The following DLGAP2 variants were observed in gnomAD, a reference collection of about 807,000 sequenced individuals.
The protein encoded by DLGAP2 is disks large-associated protein 2.
In DLGAP2, 26 loss-of-function variants were observed where a neutral mutation model predicts 100.3. The observed-to-expected ratio is 0.26, with a 90% CI of 0.19 to 0.36. The LOEUF is 0.36. DLGAP2 is among the 10% of genes least tolerant of loss of function. The pLI is 1.00. For missense variants in DLGAP2, 1,858 were observed against 1,453.2 expected, an observed-to-expected ratio of 1.28 and a Z score of -4.53; for synonymous variants, 886 against 630.1, an observed-to-expected ratio of 1.41 and a Z score of -6.08.
At chr8:1,287,883 A>ATG (rs1312547681) in intron 3 of DLGAP2, among the ~76,000 whole-genome samples, 2,553 of 51,818 alleles carry the variant, frequency 0.049, 52 homozygotes, top group East Asian at 0.09. Context: ...TTGGTTCAGC[A>ATG]TGTGTGTGTG....
chr8:996,148 C>T (rs538893564), intron 2 of DLGAP2, among the ~76,000 whole-genome samples: 1 of 152,302 alleles, frequency 6.6e-6, no homozygotes, highest in South Asian at 2.1e-4. Context: ...CTCTGTTCCT[C>T]TCCACTCCAG....
At chr8:1,478,222 G>C (rs2130234116) in intron 3 of DLGAP2, among the ~76,000 whole-genome samples, 1 of 152,172 alleles carries the variant, frequency 6.6e-6, no homozygotes, top group South Asian at 2.1e-4. Context: ...TCCTCCTTCA[G>C]ACTGGGACAC....
At chr8:1,211,559 C>T (rs1215309466) in intron 2 of DLGAP2, among the ~76,000 whole-genome samples, 1 of 152,198 alleles carries the variant, frequency 6.6e-6, no homozygotes, top group Non-Finnish European at 1.5e-5. Context: ...GTGTTGCCAC[C>T]ACATCACCGT....
At chr8:1,457,841 C>A (rs1043237220) in intron 3 of DLGAP2, among the ~76,000 whole-genome samples, 6 of 151,698 alleles carry the variant, frequency 4.0e-5, no homozygotes, top group African/African-American at 1.5e-4. Context: ...TCACGCAACT[C>A]ACTACTTGTC....
At chr8:1,026,868 C>G (rs750819511) in intron 2 of DLGAP2, among the ~76,000 whole-genome samples, 3 of 152,194 alleles carry the variant, frequency 2.0e-5, no homozygotes, top group Non-Finnish European at 2.9e-5. Context: ...CACATTTATT[C>G]TAATTTCTTC....
At chr8:1,091,975 C>G (rs964361143) in intron 2 of DLGAP2, among the ~76,000 whole-genome samples, 2 of 152,118 alleles carry the variant, frequency 1.3e-5, no homozygotes, top group African/African-American at 2.4e-5. Context: ...TTCTGCCCCA[C>G]GTTTTATTTT....
chr8:753,589 A>C (rs1585826170), intron 1 of DLGAP2: 1 of 152,426 alleles, frequency 6.6e-6, no homozygotes, highest in East Asian at 1.9e-4. Flanking sequence ...TGGGGGAATG[A>C]AAAGGAGCCA....
chr8:1,336,982 C>A (rs146898594), intron 3 of DLGAP2, among the ~76,000 whole-genome samples: 1,541 of 152,162 alleles, frequency 0.01, 30 homozygotes, highest in African/African-American at 0.035. Flanking sequence ...TATTATTGAC[C>A]ATATGGGAGT....
At chr8:962,995 G>A (rs181097158) in intron 2 of DLGAP2, among the ~76,000 whole-genome samples, 2 of 152,334 alleles carry the variant, frequency 1.3e-5, no homozygotes, top group East Asian at 1.9e-4. Flanking sequence ...GGAAAAGTGT[G>A]GGAATGGGCA....
intron 2 of DLGAP2, among the ~76,000 whole-genome samples, chr8:1,063,218 C>G (rs573882890): frequency 2.0e-5 from 3 of 152,234 alleles, no homozygotes; most frequent in African/African-American, 7.2e-5. Context: ...CCAACAACCT[C>G]TTCAAAAGCA....
At chr8:1,667,377 A>G (rs939092447) in intron 8 of DLGAP2, among the ~76,000 whole-genome samples, 5 of 152,102 alleles carry the variant, frequency 3.3e-5, no homozygotes, top group African/African-American at 1.2e-4. Flanking sequence ...GTGGTACAGA[A>G]TGCCCCATGC....
At chr8:1,593,118 C>T (rs747962325) in intron 6 of DLGAP2, among the ~76,000 whole-genome samples, 4 of 152,132 alleles carry the variant, frequency 2.6e-5, no homozygotes, top group East Asian at 1.9e-4. Context: ...TCAACAAACA[C>T]AGCCGTTCAA....
rs188354325 is a variant in DLGAP2, at chr8:759,911, G to A, written c.18+22086G>A. On this transcript the variant is annotated intron_variant, in intron 1 of 14. Transcript: ENST00000637795. The stretch of plus-strand genomic sequence containing the variant: ...GTGTCAGTTGACAGCCCAGCTTGCC[G>A]TGGAGAGATGCCAGCAGCTCCACGC... 5.9e-5 allele frequency among the ~76,000 whole-genome samples: 9 copies of A among 152,280 alleles called. No homozygotes were observed. In the East Asian group the frequency reaches 7.7e-4, roughly 13 times the overall value.
Position 1,707,399 on chromosome 8 carries a change from A to G in DLGAP2, c.*5993A>G, listed in dbSNP as rs139404036. On this transcript the variant is annotated 3_prime_UTR_variant, in exon 15 of 15. Transcript: ENST00000637795. ...GGTACCTTATGGAAGCCACTCACGC[A>G]TTCTCTGATTTACCCCCAAAACACT... 2.0e-5 allele frequency: 3 copies of G among 152,420 alleles called. No individual in the cohort carries two copies. Among genetic ancestry groups the G allele is most frequent in the Non-Finnish European group, 4.4e-5 (3 of 68,084 alleles). The allele number at this position is 152,420 out of a possible 1,614,324, so 9.4% of individuals were successfully genotyped here. A position where few individuals can be genotyped will look rare whatever the true frequency, so the allele number is the denominator to read the frequency against.
intron 8 of DLGAP2, among the ~76,000 whole-genome samples, chr8:1,638,849 C>T (rs993899806): frequency 1.3e-5 from 2 of 152,216 alleles, no homozygotes; most frequent in Admixed American, 6.5e-5. Flanking sequence ...GAGAAGGCAG[C>T]GGATGCATGC....
intron 3 of DLGAP2, among the ~76,000 whole-genome samples, chr8:1,478,120 A>G (rs999367030): frequency 2.0e-5 from 3 of 152,192 alleles, no homozygotes; most frequent in South Asian, 2.1e-4. Context: ...ACTGCTGCTA[A>G]TTAATGAAAT....
intron 2 of DLGAP2, among the ~76,000 whole-genome samples, chr8:1,061,099 C>T (rs1182432741): frequency 6.6e-6 from 1 of 152,172 alleles, no homozygotes; most frequent in Non-Finnish European, 1.5e-5. Context: ...ATGAAGAACC[C>T]ATCCACCAGG....
chr8:1,060,789 C>T (rs1803057561), intron 2 of DLGAP2, among the ~76,000 whole-genome samples: 1 of 152,158 alleles, frequency 6.6e-6, no homozygotes, highest in Non-Finnish European at 1.5e-5. Flanking sequence ...CTGCGGGTTC[C>T]ACATGCTGAC....
chr8:812,740 A>G (rs1355093282), intron 1 of DLGAP2, among the ~76,000 whole-genome samples: 1 of 152,220 alleles, frequency 6.6e-6, no homozygotes, highest in Non-Finnish European at 1.5e-5. Context: ...CAGATTAGCA[A>G]TCATACGGCA....
Sources: allele counts gnomAD v4.1 joint callset (sites outside exome capture counted in the v4.1 genomes callset), GRCh38; gene constraint gnomAD v4.1.1; transcripts MANE v1.5; gene names NCBI Gene and HGNC (gene_info 2026-07-23, HGNC 2026-07-21).